The following RUNX1 variants were observed in gnomAD, a reference collection of about 807,000 sequenced individuals.
The protein encoded by RUNX1 is runt-related transcription factor 1.
A neutral mutation model predicts 42.8 loss-of-function variants in RUNX1; 19 were observed. That is an observed-to-expected ratio of 0.44 (90% CI 0.31 to 0.65). The LOEUF (loss-of-function observed/expected upper bound fraction) is 0.65, where lower values mean the gene tolerates loss of function less well. Ranked by LOEUF, RUNX1 falls within the 30% of genes least tolerant of loss-of-function variation. The probability of loss-of-function intolerance (pLI) is 0.07; values close to 1 mark genes in which losing one functional copy is unlikely to be tolerated. For missense variants in RUNX1, 528 were observed against 672.0 expected, an observed-to-expected ratio of 0.79 and a Z score of 2.37; for synonymous variants, 271 against 289.4, an observed-to-expected ratio of 0.94 and a Z score of 0.64.
intron 6 of RUNX1, among the ~76,000 whole-genome samples, chr21:34,839,985 A>T (rs1265178506): frequency 6.6e-6 from 1 of 152,110 alleles, no homozygotes. Flanking sequence ...TCATTTTTTT[A>T]ACTCTTCAAT....
intron 2 of RUNX1, among the ~76,000 whole-genome samples, chr21:34,930,270 G>GTGTGTGTGTATATATATATA (rs372412304): frequency 8.1e-5 from 10 of 123,016 alleles, no homozygotes; most frequent in African/African-American, 3.8e-4. Context: ...GTGTGTGTAT[G>GTGTGTGTGTATATATATATA]TATATATATA....
intron 2 of RUNX1, among the ~76,000 whole-genome samples, chr21:35,000,492 G>A (rs949974037): frequency 6.6e-6 from 1 of 151,836 alleles, no homozygotes; most frequent in South Asian, 2.1e-4. Flanking sequence ...TGCCCACCTC[G>A]GCCTCCCAAA....
chr21:34,921,390 C>T (rs973228841), intron 2 of RUNX1, among the ~76,000 whole-genome samples: 3 of 152,110 alleles, frequency 2.0e-5, no homozygotes, highest in African/African-American at 7.2e-5. Flanking sequence ...TGAAATTGTA[C>T]AGTATTTTTT....
chr21:34,813,540 A>G (rs1041533239), intron 7 of RUNX1, among the ~76,000 whole-genome samples: 15 of 152,008 alleles, frequency 9.9e-5, no homozygotes, highest in African/African-American at 3.6e-4. Flanking sequence ...CTCCATCCCC[A>G]TGTAAGGTTT....
intron 3 of RUNX1, among the ~76,000 whole-genome samples, chr21:34,891,809 C>T (rs900854260): frequency 9.9e-5 from 15 of 151,834 alleles, no homozygotes; most frequent in Non-Finnish European, 1.9e-4. Context: ...GAATTGAAAA[C>T]GGCTCACAAC....
In RUNX1 at chr21:34,788,313, T is replaced by C. The variant is rs1327316367; in HGVS notation, c.*3822A>G. 4 of 233,540 alleles carry C rather than the reference T, an allele frequency of 1.7e-5. No individual in the cohort carries two copies. Among genetic ancestry groups the C allele is most frequent in the Non-Finnish European group, 2.5e-5 (3 of 118,014 alleles). 14.5% of individuals were successfully genotyped at this position (233,540 alleles called of 1,614,324 possible). A position where few individuals can be genotyped will look rare whatever the true frequency, so the allele number is the denominator to read the frequency against. On this transcript the variant is annotated 3_prime_UTR_variant, in exon 9 of 9. Transcript: ENST00000675419. ...CAATTTGAAAGTTTATTTTTTTCCA[T>C]TGATTTTTATACATCCAGAATAACA...
At chr21:34,911,391 C>T (rs2058271019) in intron 2 of RUNX1, among the ~76,000 whole-genome samples, 1 of 152,184 alleles carries the variant, frequency 6.6e-6, no homozygotes, top group Non-Finnish European at 1.5e-5. Flanking sequence ...ATCTTACATA[C>T]ATGAGGACAG....
intron 7 of RUNX1, among the ~76,000 whole-genome samples, chr21:34,820,389 C>T (rs1469504133): frequency 6.6e-6 from 1 of 152,072 alleles, no homozygotes; most frequent in Non-Finnish European, 1.5e-5. Context: ...GTGGCTCATG[C>T]CTGTAATCTC....
In RUNX1 at chr21:34,925,601, G is replaced by C. The variant is rs368263048; in HGVS notation, c.59-32638C>G. On this transcript the variant is annotated intron_variant, in intron 2 of 8. Transcript: ENST00000675419. ...GGTAAGGAAGGATTCTCCCCTTCCT[G>C]TTTCAGAGGAAGCCCGGCTCTTCCT... Among the ~76,000 whole-genome samples, 49 of 152,296 alleles carry C rather than the reference G, an allele frequency of 3.2e-4. 2 individuals carry two copies. The highest frequency in any genetic ancestry group is 1.2e-3 in the African/African-American group (48 of 41,568).
rs2056446454 is a variant in RUNX1 at position 34,792,132 on chromosome 21, G to A, written c.*3C>T. Reference sequence around the variant, plus strand: ...GGGGCCCAGCCGGGCCAGGCCTGGCGCCTCAGTAGGGCCTCCACACGGCCT... The same window carrying A: ...GGGGCCCAGCCGGGCCAGGCCTGGCACCTCAGTAGGGCCTCCACACGGCCT... On this transcript the variant is annotated 3_prime_UTR_variant, in exon 9 of 9. Coordinates refer to ENST00000675419, the MANE Select transcript of RUNX1 (RefSeq NM_001754.5). The surrounding 1 kb of genome is among the most constrained non-coding windows in gnomAD (Gnocchi z 6.9). 5.6e-6 allele frequency: 8 copies of A among 1,435,430 alleles called. No homozygotes were observed. The highest frequency in any genetic ancestry group is 1.4e-5 in the South Asian group (1 of 69,284). The allele number at this position is 1,435,430 out of a possible 1,614,324, so 88.9% of individuals were successfully genotyped here.
intron 2 of RUNX1, among the ~76,000 whole-genome samples, chr21:34,950,064 A>G (rs561643630): frequency 1.3e-5 from 2 of 152,342 alleles, no homozygotes; most frequent in Admixed American, 6.5e-5. Flanking sequence ...AATGATTGTT[A>G]TAGTTCCTTA....
chr21:34,837,799 T>A (rs1384605514), intron 6 of RUNX1, among the ~76,000 whole-genome samples: 1 of 152,166 alleles, frequency 6.6e-6, no homozygotes, highest in African/African-American at 2.4e-5. Flanking sequence ...ACTGTGAATG[T>A]TTACAGGGCG....
chr21:34,827,687 AGCACACCTTGGCCACCCC>A, intron 7 of RUNX1, among the ~76,000 whole-genome samples: 1 of 152,184 alleles, frequency 6.6e-6, no homozygotes, highest in Non-Finnish European at 1.5e-5. Flanking sequence ...ATCCTGGTGC[AGCACACCTTGGCCACCCC>A]AGCTGTGGCT....
chr21:35,005,702 C>T (rs1036714948), intron 2 of RUNX1, among the ~76,000 whole-genome samples: 1 of 152,152 alleles, frequency 6.6e-6, no homozygotes, highest in Non-Finnish European at 1.5e-5. Context: ...TAGTTGCCTT[C>T]CCTCATGCTA....
chr21:34,874,144 T>TCC (rs3216564), intron 5 of RUNX1, among the ~76,000 whole-genome samples: 1 of 147,738 alleles, frequency 6.8e-6, no homozygotes, highest in South Asian at 2.2e-4. Context: ...TCTCTCTCTC[T>TCC]CCCCCTTGCA....
At chr21:34,871,234 C>T (rs1166993407) in intron 5 of RUNX1, among the ~76,000 whole-genome samples, 2 of 152,188 alleles carry the variant, frequency 1.3e-5, no homozygotes, top group African/African-American at 4.8e-5. Context: ...CTAGAGCACA[C>T]CTACAGCAAC....
chr21:34,824,942 CA>C (rs1211478941), intron 7 of RUNX1, among the ~76,000 whole-genome samples: 5 of 152,300 alleles, frequency 3.3e-5, no homozygotes, highest in African/African-American at 1.2e-4. Context: ...AGCTGTTTTT[CA>C]TATTAGCATA....
At chr21:35,023,572 G>C (rs1219865900) in intron 2 of RUNX1, among the ~76,000 whole-genome samples, 1 of 152,186 alleles carries the variant, frequency 6.6e-6, no homozygotes, top group East Asian at 1.9e-4. Flanking sequence ...GTTGACCTGC[G>C]GGGCTAGCAG....
chr21:34,982,497 C>G (rs1382927105), intron 2 of RUNX1, among the ~76,000 whole-genome samples: 1 of 122,182 alleles, frequency 8.2e-6, no homozygotes, highest in East Asian at 2.4e-4. Flanking sequence ...TCTTAGCATA[C>G]CTAGTTGTCA....
Sources: gnomAD v4.1 joint callset for allele counts (sites outside exome capture counted in the v4.1 genomes callset) on GRCh38, gnomAD v4.1.1 for gene constraint, Gnocchi (gnomAD v3.1) non-coding constraint, MANE v1.5 for transcripts, NCBI Gene and HGNC (gene_info 2026-07-23, HGNC 2026-07-21) for gene names.